Variants in DLGAP2 observed in about 807,000 individuals in gnomAD.
The protein encoded by DLGAP2 is disks large-associated protein 2.
Under a neutral mutation model 100.3 loss-of-function variants are expected in DLGAP2, and 26 were observed. The observed-to-expected ratio is 0.26, with a 90% CI of 0.19 to 0.36. The LOEUF is 0.36. Among genes scored for constraint, DLGAP2 ranks in the 10% least tolerant of loss-of-function variants. The pLI, the probability that DLGAP2 is intolerant of heterozygous loss-of-function variation, is 1.00. For missense variants in DLGAP2, 1,858 were observed against 1,453.2 expected, an observed-to-expected ratio of 1.28 and a Z score of -4.53; for synonymous variants, 886 against 630.1, an observed-to-expected ratio of 1.41 and a Z score of -6.08.
chr8:960,992 T>G (rs1392344094), intron 2 of DLGAP2, among the ~76,000 whole-genome samples: 1 of 151,416 alleles, frequency 6.6e-6, no homozygotes, highest in Non-Finnish European at 1.5e-5. Flanking sequence ...TTGATATTCT[T>G]TTTCATCAAT....
chr8:1,547,779 C>G lies in DLGAP2; in HGVS notation c.173-847C>G, dbSNP rs1322892249. On this transcript the variant is annotated intron_variant, in intron 4 of 14. Transcript: ENST00000637795. ...GCCGCAGAAGGACACAGGGAGGAGT[C>G]AAGCGGGATTCCTCTGGGGAAGGAG... Among the ~76,000 whole-genome samples, 3 of 152,188 alleles carry G rather than the reference C, an allele frequency of 2.0e-5. No individual in the cohort carries two copies. The South Asian group carries it at 6.2e-4, about 32-fold the overall frequency.
At chr8:1,311,520 A>C (rs1264276136) in intron 3 of DLGAP2, among the ~76,000 whole-genome samples, 10 of 152,326 alleles carry the variant, frequency 6.6e-5, no homozygotes, top group Admixed American at 5.2e-4. Flanking sequence ...TAGATGCTAA[A>C]ATTTTCCACA....
At chr8:1,080,309 T>TC (rs34263782) in intron 2 of DLGAP2, among the ~76,000 whole-genome samples, 4,901 of 152,322 alleles carry the variant, frequency 0.032, 210 homozygotes, top group East Asian at 0.14. Context: ...TGTGCTCTCC[T>TC]CCGGGGGGCC....
At chr8:1,334,216 A>T (rs1235836353) in intron 3 of DLGAP2, among the ~76,000 whole-genome samples, 5 of 152,336 alleles carry the variant, frequency 3.3e-5, no homozygotes, top group South Asian at 2.1e-4. Context: ...GATGAAAATC[A>T]ACAGCTTTTG....
chr8:1,286,244 T>G (rs1410116440), intron 3 of DLGAP2, among the ~76,000 whole-genome samples: 1 of 152,202 alleles, frequency 6.6e-6, no homozygotes, highest in Non-Finnish European at 1.5e-5. Flanking sequence ...AAGAGGTGCC[T>G]TCTGCCATGA....
At chr8:1,325,608 T>G (rs1350723603) in intron 3 of DLGAP2, among the ~76,000 whole-genome samples, 1 of 152,162 alleles carries the variant, frequency 6.6e-6, no homozygotes, top group African/African-American at 2.4e-5. Context: ...CTGAAAGGAT[T>G]AAGGGGACAC....
At chr8:1,317,202 C>G (rs1207584862) in intron 3 of DLGAP2, among the ~76,000 whole-genome samples, 5 of 131,784 alleles carry the variant, frequency 3.8e-5, no homozygotes, top group African/African-American at 1.5e-4. Flanking sequence ...GTCTCTCCAA[C>G]AGTGGTCTAC....
chr8:957,052 C>T (rs1234123263), intron 2 of DLGAP2, among the ~76,000 whole-genome samples: 1 of 152,192 alleles, frequency 6.6e-6, no homozygotes, highest in African/African-American at 2.4e-5. Context: ...ATTTCAAGCA[C>T]CCAAGCTGGT....
chr8:1,529,201 G>C (rs935685466), intron 4 of DLGAP2, among the ~76,000 whole-genome samples: 3 of 152,236 alleles, frequency 2.0e-5, no homozygotes, highest in African/African-American at 7.2e-5. Context: ...TCACAAGGTA[G>C]CAGGAAGGAG....
At chr8:1,020,669 C>G (rs1349312623) in intron 2 of DLGAP2, among the ~76,000 whole-genome samples, 2 of 152,174 alleles carry the variant, frequency 1.3e-5, no homozygotes, top group African/African-American at 4.8e-5. Context: ...TCTTAGGACT[C>G]ACTGAGTAAG....
chr8:1,280,819 C>T (rs917509740), intron 3 of DLGAP2, among the ~76,000 whole-genome samples: 3 of 152,148 alleles, frequency 2.0e-5, no homozygotes, highest in Non-Finnish European at 4.4e-5. Context: ...TGGGGAGATT[C>T]TTAAATGGGA....
At chr8:1,441,785 G>GTT (rs200888843) in intron 3 of DLGAP2, among the ~76,000 whole-genome samples, 12 of 143,864 alleles carry the variant, frequency 8.3e-5, no homozygotes, top group African/African-American at 2.8e-4. Context: ...AGCTTGACCA[G>GTT]TTTTTTTTTT....
chr8:1,641,206 C>G (rs1170714693), intron 8 of DLGAP2, among the ~76,000 whole-genome samples: 1 of 152,162 alleles, frequency 6.6e-6, no homozygotes, highest in Non-Finnish European at 1.5e-5. Context: ...TCACGTGCCT[C>G]CCGGTTTGCA....
chr8:1,301,514 C>T (rs1396656427), intron 3 of DLGAP2: 1 of 152,018 alleles, frequency 6.6e-6, no homozygotes, highest in Non-Finnish European at 1.5e-5. Context: ...TCATGCTGGA[C>T]ATCAAGTGTG....
At chr8:1,078,713 T>C (rs1000108266) in intron 2 of DLGAP2, among the ~76,000 whole-genome samples, 1 of 152,228 alleles carries the variant, frequency 6.6e-6, no homozygotes, top group African/African-American at 2.4e-5. Context: ...TTTAATTTTC[T>C]TCCTTGTCTT....
At chr8:1,439,685 G>C (rs961774647) in intron 3 of DLGAP2, among the ~76,000 whole-genome samples, 2 of 152,148 alleles carry the variant, frequency 1.3e-5, no homozygotes, top group African/African-American at 4.8e-5. Flanking sequence ...AACGTGAGCA[G>C]TATGTCTCCT....
intron 4 of DLGAP2, among the ~76,000 whole-genome samples, chr8:1,520,911 G>A (rs189415249): frequency 1.1e-3 from 175 of 152,304 alleles, no homozygotes; most frequent in Non-Finnish European, 7.6e-4. Flanking sequence ...TGAGTGCCTA[G>A]TTTTGTAAGA....
chr8:1,060,583 T>G (rs1206261579), intron 2 of DLGAP2, among the ~76,000 whole-genome samples: 1 of 152,184 alleles, frequency 6.6e-6, no homozygotes, highest in Non-Finnish European at 1.5e-5. Context: ...CAGGATGACC[T>G]CACCTCAAGG....
chr8:1,364,590 A>G (rs546318048), intron 3 of DLGAP2, among the ~76,000 whole-genome samples: 182 of 152,252 alleles, frequency 1.2e-3, no homozygotes, highest in Admixed American at 2.5e-3. Flanking sequence ...TCATCTTCGC[A>G]GCAGGGGCCG....
Sources: allele counts gnomAD v4.1 joint callset (sites outside exome capture counted in the v4.1 genomes callset), GRCh38; gene constraint gnomAD v4.1.1; transcripts MANE v1.5; gene names NCBI Gene and HGNC (gene_info 2026-07-23, HGNC 2026-07-21).